PSMD11: variants seen among roughly 807,000 people sequenced by gnomAD.
The protein encoded by PSMD11 is 26S proteasome non-ATPase regulatory subunit 11.
Under a neutral mutation model 62.3 loss-of-function variants are expected in PSMD11, and 5 were observed. The ratio of observed to expected loss-of-function variants is 0.08; its 90% confidence interval spans 0.04 to 0.17. PSMD11 has a LOEUF of 0.17. Among genes scored for constraint, PSMD11 ranks in the 10% least tolerant of loss-of-function variants. PSMD11 has a pLI of 1.00. For synonymous variants in PSMD11, 191 were observed against 191.8 expected (o/e 1.00, Z 0.03); for missense variants, 310 against 512.9 (o/e 0.60, Z 3.82).
chr17:32,446,246 A>G (rs1349149169), intron 1 of PSMD11, among the ~76,000 whole-genome samples: 1 of 152,210 alleles, frequency 6.6e-6, no homozygotes, highest in East Asian at 1.9e-4. Context: ...GATCACTACA[A>G]ACTTGGAGAG....
At chr17:32,446,791 T>C (rs1458892834) in intron 1 of PSMD11, among the ~76,000 whole-genome samples, 154 bp from the exon 2 acceptor site, 3 of 151,910 alleles carry the variant, frequency 2.0e-5, no homozygotes, top group Non-Finnish European at 4.4e-5. Flanking sequence ...TCTTTTTTTT[T>C]TCCTGGCTTA....
chr17:32,446,802 G>T, intron 1 of PSMD11, 143 bp from the exon 2 acceptor site: 2 of 538,160 alleles, frequency 3.7e-6, no homozygotes, highest in Non-Finnish European at 6.4e-6. Context: ...TCCTGGCTTA[G>T]AGTTTTTTTT....
chr17:32,480,886 A>G lies in PSMD11; in HGVS notation c.*134A>G, dbSNP rs763192745. 1.0e-5 allele frequency: 4 copies of G among 399,022 alleles called. No homozygotes were observed. The highest frequency in any genetic ancestry group is 2.0e-5 in the African/African-American group (1 of 49,122). The allele number at this position is 399,022 out of a possible 1,614,324, so 24.7% of individuals were successfully genotyped here. ...AAGTTTTTAAATCCTCATTTGGTGCATCTGTATTCCAGCCAATAGGTGTGC... is the reference window on the plus strand; with the variant it reads ...AAGTTTTTAAATCCTCATTTGGTGCGTCTGTATTCCAGCCAATAGGTGTGC... On this transcript the variant is annotated 3_prime_UTR_variant, in exon 14 of 14. Transcript: ENST00000261712.
chr17:32,471,634 T>TG (rs1403582951), intron 6 of PSMD11, among the ~76,000 whole-genome samples: 1 of 152,204 alleles, frequency 6.6e-6, no homozygotes, highest in Non-Finnish European at 1.5e-5. Flanking sequence ...GTGAATGTGA[T>TG]GTCATGGAGG....
intron 11 of PSMD11, 117 bp from the exon 12 acceptor site, chr17:32,480,029 T>C (rs757547549): frequency 2.6e-5 from 39 of 1,477,258 alleles, no homozygotes; most frequent in Non-Finnish European, 3.5e-5. Context: ...AGGAGTTGCA[T>C]TGTTGCTATT....
chr17:32,479,488 A>G lies in PSMD11; in HGVS notation c.1038+112A>G, dbSNP rs530691149. 112 of 1,414,396 alleles carry G rather than the reference A, an allele frequency of 7.9e-5. 2 individuals carry two copies. The South Asian group carries it at 1.4e-3, about 18-fold the overall frequency. The allele number at this position is 1,414,396 out of a possible 1,614,324, so 87.6% of individuals were successfully genotyped here. ...CTTCTAGGGGTGTGCCTGGTGGGCAAGAGGCCACCAAGAGCTTGGGCCTCT... is the reference window on the plus strand; with the variant it reads ...CTTCTAGGGGTGTGCCTGGTGGGCAGGAGGCCACCAAGAGCTTGGGCCTCT... On this transcript the variant is annotated intron_variant, in intron 10 of 13. Coordinates refer to ENST00000261712, the MANE Select transcript of PSMD11 (RefSeq NM_002815.4).
At chr17:32,463,206 A>T (rs918344648) in intron 3 of PSMD11, among the ~76,000 whole-genome samples, 8 of 152,250 alleles carry the variant, frequency 5.3e-5, no homozygotes, top group Non-Finnish European at 1.0e-4. Flanking sequence ...GGCGTGCTAG[A>T]CTGTCTAGCA....
intron 4 of PSMD11, 35 bp downstream of exon 4, chr17:32,464,155 A>C (rs1404212362): frequency 6.4e-7 from 1 of 1,559,882 alleles, no homozygotes; most frequent in Non-Finnish European, 8.8e-7. Context: ...TCAGGTCTCT[A>C]AGCATGAGAC....
intron 2 of PSMD11, among the ~76,000 whole-genome samples, chr17:32,448,210 TATTA>T (rs1567850888): frequency 1.3e-5 from 2 of 152,028 alleles, no homozygotes; most frequent in Non-Finnish European, 2.9e-5. Context: ...ATAACTAACT[TATTA>T]ATTATTAGGC....
Position 32,480,148 on chromosome 17 carries a change from C to G in PSMD11, c.1077C>G (p.Ala359=). 6.2e-7 allele frequency: 1 copy of G among 1,613,360 alleles called. No homozygotes were observed. The highest frequency in any genetic ancestry group is 1.1e-5 in the South Asian group (1 of 91,064). ...HISSLIKLSK[A]DVERKLSQMI... ...TTAATCATGTGCTTTGATTTTAGGC[C>G]GACGTGGAAAGGAAATTATCACAGA... The change falls in exon 12 of 14, where the codon GCC becomes GCG. Residue 359 remains alanine (A), a splice_region_variant and synonymous_variant. Coordinates refer to ENST00000261712, the MANE Select transcript of PSMD11 (RefSeq NM_002815.4).
Position 32,480,759 on chromosome 17 carries a change from A to G in PSMD11, c.*7A>G. ...GCTCTGTCTTCTCTTGCAGAGTTGG[A>G]TCTGTAGCGGTCCTTTGGAGAGTGT... is the stretch of plus-strand genomic sequence containing the variant. On this transcript the variant is annotated 3_prime_UTR_variant, in exon 14 of 14. Coordinates refer to ENST00000261712, the MANE Select transcript of PSMD11 (RefSeq NM_002815.4). The G allele has an allele frequency of 9.0e-7, 1 of 1,116,892 alleles. No individual in the cohort carries two copies. 69.2% of individuals were successfully genotyped at this position (1,116,892 alleles called of 1,614,324 possible). A position where few individuals can be genotyped will look rare whatever the true frequency, so the allele number is the denominator to read the frequency against.
At chr17:32,460,595 A>G (rs572528457) in intron 3 of PSMD11, among the ~76,000 whole-genome samples, 1 of 152,116 alleles carries the variant, frequency 6.6e-6, no homozygotes, top group East Asian at 1.9e-4. Context: ...AACACGGTGA[A>G]ACCTTGTCTC....
At chr17:32,461,390 T>C (rs1334096756) in intron 3 of PSMD11, among the ~76,000 whole-genome samples, 1 of 151,868 alleles carries the variant, frequency 6.6e-6, no homozygotes, top group African/African-American at 2.4e-5. Flanking sequence ...AATAGCACGT[T>C]TTAAGAAACC....
intron 6 of PSMD11, among the ~76,000 whole-genome samples, chr17:32,473,365 T>A (rs546585173): frequency 1.3e-5 from 2 of 151,570 alleles, no homozygotes; most frequent in Non-Finnish European, 2.9e-5. Context: ...CAACCTCCGC[T>A]TCCTGGGTTG....
chr17:32,444,584 G>A lies in PSMD11; in HGVS notation c.61G>A (p.Glu21Lys). The A allele has an allele frequency of 6.2e-7, 1 of 1,611,966 alleles. No individual in the cohort carries two copies. The highest frequency in any genetic ancestry group is 2.2e-5 in the East Asian group (1 of 44,690). The change falls in exon 1 of 14, where the codon GAG becomes AAG. Residue 21 changes from glutamate (E) to lysine (K), a missense_variant. Coordinates refer to ENST00000261712, the MANE Select transcript of PSMD11 (RefSeq NM_002815.4). ...CCAGTCTCTACTCAGCACCGACCGG[G>A]AGGCCTCCATCGACATCCTCCACTC... ...RAQSLLSTDREASIDILHSIV... is the reference protein window; with the variant it reads ...RAQSLLSTDRKASIDILHSIV...
intron 1 of PSMD11, chr17:32,444,905 G>A (rs1200226008): frequency 2.0e-6 from 1 of 495,916 alleles, no homozygotes; most frequent in Non-Finnish European, 3.6e-6. Context: ...TCCCTCCCTA[G>A]CCATGTCCCC....
At position 32,467,487 on chromosome 17, in the gene PSMD11, G is replaced by A. The variant is rs958143725; in HGVS notation, c.449-1512G>A. 4.2e-5 allele frequency among the ~76,000 whole-genome samples: 6 copies of A among 141,962 alleles called. No individual in the cohort carries two copies. In the East Asian group the frequency reaches 1.3e-3, roughly 30 times the overall value. 93.1% of individuals were successfully genotyped at this position (141,962 alleles called of 152,430 possible). ...TGTCGAACTCCTAACCTCAGGTGAT[G>A]TGCCCGCCTTGGCCTCCCAAAGTGC... is the stretch of plus-strand genomic sequence containing the variant. On this transcript the variant is annotated intron_variant, in intron 5 of 13. Coordinates refer to ENST00000261712, the MANE Select transcript of PSMD11 (RefSeq NM_002815.4).
At position 32,480,500 on chromosome 17, in the gene PSMD11, CA is replaced by C; in HGVS notation, c.1139del (p.Gln380ArgfsTer6). ...LDKKFHGILD[Q>X]GEGVLIIFDE... ...TGTGTTTCTTGCAGGGATTTTGGACCAGGGGGAGGGTGTCCTGATTATTTTC... is the reference window on the plus strand; with the variant it reads ...TGTGTTTCTTGCAGGGATTTTGGACCGGGGGAGGGTGTCCTGATTATTTTC... On this transcript the variant is annotated frameshift_variant, in exon 13 of 14. Transcript: ENST00000261712. LOFTEE classifies it high-confidence loss of function. 1 of 1,614,046 alleles carries C rather than the reference CA, an allele frequency of 6.2e-7. No homozygotes were observed. The highest frequency in any genetic ancestry group is 8.5e-7 in the Non-Finnish European group (1 of 1,180,020).
At chr17:32,446,020 A>C (rs531323617) in intron 1 of PSMD11, 1 of 152,182 alleles carries the variant, frequency 6.6e-6, no homozygotes, top group Non-Finnish European at 1.5e-5. Context: ...GTCTGTGTCT[A>C]GTGTCTAATA....
Sources: allele counts gnomAD v4.1 joint callset (sites outside exome capture counted in the v4.1 genomes callset), GRCh38; gene constraint gnomAD v4.1.1; transcripts MANE v1.5; gene names NCBI Gene and HGNC (gene_info 2026-07-23, HGNC 2026-07-21).